Variants in NEU3 observed in about 807,000 individuals in gnomAD.
The protein encoded by NEU3 is neuraminidase 3, also known as sialidase-3.
NEU3 carries 10 observed loss-of-function variants against 11.4 expected under a neutral mutation model. The observed-to-expected ratio is 0.88, with a 90% CI of 0.54 to 1.49. NEU3 has a LOEUF of 1.49. Ranked by LOEUF, NEU3 falls within the 40% of genes most tolerant of loss-of-function variation. The pLI is 0.00. For synonymous variants in NEU3, 212 were observed against 228.2 expected, an observed-to-expected ratio of 0.93 and a Z score of 0.64; for missense variants, 529 against 581.8, an observed-to-expected ratio of 0.91 and a Z score of 0.93.
chr11:74,996,165 A>C (rs957486378), intron 2 of NEU3, among the ~76,000 whole-genome samples: 2 of 152,076 alleles, frequency 1.3e-5, no homozygotes, highest in Non-Finnish European at 2.9e-5. Flanking sequence ...CCCCAACAAG[A>C]AATAAGACAA....
upstream of NEU3, among the ~76,000 whole-genome samples, chr11:74,986,380 C>T (rs558785261): frequency 2.0e-5 from 3 of 152,230 alleles, no homozygotes; most frequent in African/African-American, 4.8e-5. Flanking sequence ...TCCTCTAAAG[C>T]GACTGTACCA....
rs1736323047 is a variant in NEU3 at position 75,010,673 on chromosome 11, C to T, written c.*4181C>T. The T allele has an allele frequency of 6.6e-6, 1 of 152,160 alleles. No homozygotes were observed. The highest frequency in any genetic ancestry group is 2.4e-5 in the African/African-American group (1 of 41,434). 9.4% of individuals were successfully genotyped at this position (152,160 alleles called of 1,614,324 possible). A position where few individuals can be genotyped will look rare whatever the true frequency, so the allele number is the denominator to read the frequency against. On this transcript the variant is annotated 3_prime_UTR_variant, in exon 3 of 3. Transcript: ENST00000294064. ...GGCCTATTCCAGAAGAGTGAGCAGC[C>T]TAATCAAGCCAAGCCTTGATTTGGG...
chr11:74,989,767 A>G (rs912213835), intron 1 of NEU3, among the ~76,000 whole-genome samples: 2 of 152,236 alleles, frequency 1.3e-5, no homozygotes, highest in African/African-American at 4.8e-5. Flanking sequence ...GCTCAGAAGT[A>G]AAGTGACTTG....
upstream of NEU3, among the ~76,000 whole-genome samples, chr11:74,985,278 A>T (rs567240047): frequency 6.6e-6 from 1 of 152,262 alleles, no homozygotes; most frequent in Non-Finnish European, 1.5e-5. Context: ...TGCCATTAAA[A>T]ATATATATAT....
chr11:74,999,976 C>T (rs1948826692), intron 2 of NEU3, among the ~76,000 whole-genome samples: 1 of 152,180 alleles, frequency 6.6e-6, no homozygotes, highest in South Asian at 2.1e-4. Context: ...ATTGTGATTA[C>T]TGTCGTTGGG....
chr11:74,996,402 A>G (rs1385354955), intron 2 of NEU3, among the ~76,000 whole-genome samples: 1 of 152,212 alleles, frequency 6.6e-6, no homozygotes, highest in African/African-American at 2.4e-5. Flanking sequence ...CCATCTCAAA[A>G]AACTACTTTA....
chr11:75,011,836 T>A (rs1473707405), downstream of NEU3, among the ~76,000 whole-genome samples: 1 of 148,502 alleles, frequency 6.7e-6, no homozygotes, highest in Non-Finnish European at 1.5e-5. Flanking sequence ...GGAGTTAACT[T>A]TTTTTTTTTC....
At chr11:74,990,111 C>A in intron 1 of NEU3, 1 of 665,930 alleles carries the variant, frequency 1.5e-6, no homozygotes, top group Non-Finnish European at 2.7e-6. Flanking sequence ...GTGAGGACAT[C>A]AAAATTTATA....
rs1948900786 is a variant in NEU3 at position 75,006,442 on chromosome 11, G to A, written c.1336G>A (p.Gly446Arg). 1.2e-6 allele frequency: 2 copies of A among 1,613,764 alleles called. No individual in the cohort carries two copies. Among genetic ancestry groups the A allele is most frequent in the African/African-American group, 1.3e-5 (1 of 74,884 alleles). ...CCGGGAGATCCTGAGTCACCTGCAGGGGGACTGCACCAGCCCTGGTAGGAA... is the reference window on the plus strand; with the variant it reads ...CCGGGAGATCCTGAGTCACCTGCAGAGGGACTGCACCAGCCCTGGTAGGAA... The part of the protein sequence containing the change: ...THREILSHLQ[G>R]DCTSPGRNPS... The change falls in exon 3 of 3, where the codon GGG becomes AGG. Residue 446 changes from glycine (G) to arginine (R), a missense_variant. Physicochemically the swap from Gly to Arg is moderately radical, Grantham distance 125. Transcript: ENST00000294064.
chr11:75,003,737 A>T (rs912583064), intron 2 of NEU3, among the ~76,000 whole-genome samples: 1 of 152,188 alleles, frequency 6.6e-6, no homozygotes, highest in Non-Finnish European at 1.5e-5. Flanking sequence ...TAAAAATAAA[A>T]AAATTAGCTG....
chr11:74,981,862 G>A, the NEU3 span, among the ~76,000 whole-genome samples: 1 of 152,174 alleles, frequency 6.6e-6, no homozygotes, highest in Non-Finnish European at 1.5e-5. Flanking sequence ...CCCAAGTGAG[G>A]GAGGAGGAAA....
Position 74,989,303 on chromosome 11 carries a change from T to C in NEU3, c.94+149T>C, listed in dbSNP as rs929290054. 4.7e-6 allele frequency: 3 copies of C among 637,874 alleles called. No individual in the cohort carries two copies. The South Asian group carries it at 5.8e-5, about 12-fold the overall frequency. 39.5% of individuals were successfully genotyped at this position (637,874 alleles called of 1,614,324 possible). A position where few individuals can be genotyped will look rare whatever the true frequency, so the allele number is the denominator to read the frequency against. On this transcript the variant is annotated intron_variant, in intron 1 of 2. Coordinates refer to ENST00000294064, the MANE Select transcript of NEU3 (RefSeq NM_006656.6). ...GCTAGGATCTGACCTGGCCAGAGAA[T>C]TCTTGGCTAGTCCTATTTTTATTCG...
At chr11:75,019,607 G>A (rs1027187711), downstream of NEU3, among the ~76,000 whole-genome samples, 1 of 152,234 alleles carries the variant, frequency 6.6e-6, no homozygotes, top group Non-Finnish European at 1.5e-5. Flanking sequence ...CAATGCATAT[G>A]TGATGGTTCC....
Position 74,994,512 on chromosome 11 carries a change from T to C in NEU3, c.98T>C (p.Val33Ala). ...AAGCTTCCTTCTATCCTTGCAGAGG[T>C]CATGGAAGAAGTGACAACATGCTCC... ...ETEEPGSSAE[V>A]MEEVTTCSFN... is the part of the protein sequence containing the mutation. The change falls in exon 2 of 3, where the codon GTC (valine) becomes GCC (alanine). Residue 33 changes from valine (V) to alanine (A), a missense_variant. Val to Ala is a moderately conservative substitution (Grantham distance 64). Transcript: ENST00000294064. 1 of 1,605,750 alleles carries C rather than the reference T, an allele frequency of 6.2e-7. No individual in the cohort carries two copies. The highest frequency in any genetic ancestry group is 1.1e-5 in the South Asian group (1 of 89,796).
chr11:74,982,908 T>C, the NEU3 span, among the ~76,000 whole-genome samples: 1 of 152,082 alleles, frequency 6.6e-6, no homozygotes, highest in African/African-American at 2.4e-5. Flanking sequence ...TTCCACCACC[T>C]CTCACACTTC....
downstream of NEU3, among the ~76,000 whole-genome samples, chr11:75,012,316 A>G (rs78008871): frequency 0.011 from 1,606 of 152,340 alleles, 17 homozygotes; most frequent in Non-Finnish European, 0.016. Flanking sequence ...ACCTTCCTCA[A>G]TGAACCTATG....
At chr11:74,987,148 T>C (rs1177363488), upstream of NEU3, among the ~76,000 whole-genome samples, 2 of 152,202 alleles carry the variant, frequency 1.3e-5, no homozygotes, top group African/African-American at 4.8e-5. Context: ...AATTATTTTA[T>C]GAAGGAGAAC....
At chr11:74,980,795 C>T in the NEU3 span, among the ~76,000 whole-genome samples, 8 of 152,214 alleles carry the variant, frequency 5.3e-5, no homozygotes, top group African/African-American at 1.9e-4. Context: ...TGCTTACTCT[C>T]CTCTAGAAAG....
the NEU3 span, among the ~76,000 whole-genome samples, chr11:74,981,489 C>T: frequency 3.6e-3 from 555 of 152,304 alleles, 2 homozygotes; most frequent in Non-Finnish European, 6.2e-3. Flanking sequence ...GAGCACCCCT[C>T]CCCTCACAAG....
Sources: allele counts gnomAD v4.1 joint callset (sites outside exome capture counted in the v4.1 genomes callset), GRCh38; gene constraint gnomAD v4.1.1; transcripts MANE v1.5; gene names NCBI Gene and HGNC (gene_info 2026-07-23, HGNC 2026-07-21).